Variants in TLN2 observed in about 807,000 individuals in gnomAD.
TLN2 encodes the protein talin-2.
TLN2 carries 118 observed loss-of-function variants against 294.7 expected under a neutral mutation model. The ratio of observed to expected loss-of-function variants is 0.40; its 90% confidence interval spans 0.34 to 0.47. TLN2 has a LOEUF of 0.47. Ranked by LOEUF, TLN2 falls within the 20% of genes least tolerant of loss-of-function variation. The probability of loss-of-function intolerance (pLI) is 0.84; values close to 1 mark genes in which losing one functional copy is unlikely to be tolerated. For synonymous variants in TLN2, 1,431 were observed against 1,304.5 expected, an observed-to-expected ratio of 1.10 and a Z score of -2.09; for missense variants, 3,083 against 3,282.2, an observed-to-expected ratio of 0.94 and a Z score of 1.48.
intron 1 of TLN2, among the ~76,000 whole-genome samples, chr15:62,564,915 A>ATATATATATAT (rs1555430800): frequency 2.4e-5 from 3 of 123,902 alleles, no homozygotes; most frequent in African/African-American, 1.0e-4. Flanking sequence ...CAAAAAAAAA[A>ATATATATATAT]AAAAAAAAAA....
At position 62,698,918 on chromosome 15, in the gene TLN2, C is replaced by A. The variant is rs76916304; in HGVS notation, c.1587+51C>A. ...GCCAAGTCTCTGCCCTGGCAGAAAG[C>A]AGGGTTATATACTCTGTCGGGATTC... On this transcript the variant is annotated intron_variant, in intron 16 of 58. Coordinates refer to ENST00000636159, the MANE Select transcript of TLN2 (RefSeq NM_015059.3). 5.4e-3 allele frequency: 8,195 copies of A among 1,528,300 alleles called. 351 individuals are homozygous for A. The African/African-American group carries it at 0.096, about 18-fold the overall frequency. The allele number at this position is 1,528,300 out of a possible 1,614,324, so 94.7% of individuals were successfully genotyped here. A position where few individuals can be genotyped will look rare whatever the true frequency, so the allele number is the denominator to read the frequency against.
intron 1 of TLN2, among the ~76,000 whole-genome samples, chr15:62,504,199 C>T (rs925617090): frequency 2.6e-5 from 4 of 152,234 alleles, no homozygotes; most frequent in East Asian, 1.9e-4. Flanking sequence ...AAACAGATAC[C>T]GTTTTTATAG....
intron 1 of TLN2, among the ~76,000 whole-genome samples, chr15:62,517,032 C>A (rs1017782897): frequency 3.9e-5 from 6 of 152,192 alleles, no homozygotes; most frequent in Admixed American, 2.0e-4. Flanking sequence ...GGCACCTCCT[C>A]ACTGTTACTA....
intron 1 of TLN2, among the ~76,000 whole-genome samples, chr15:62,399,114 C>T (rs2032797353): frequency 6.6e-6 from 1 of 151,924 alleles, no homozygotes; most frequent in South Asian, 2.1e-4. Context: ...TGGCAGCTTC[C>T]AGTTGATGTT....
At chr15:62,486,166 T>A (rs1366386661) in intron 1 of TLN2, among the ~76,000 whole-genome samples, 1 of 152,368 alleles carries the variant, frequency 6.6e-6, no homozygotes, top group Admixed American at 6.5e-5. Context: ...CTAAATACTT[T>A]AGAAAGTCTT....
At chr15:62,611,281 G>A (rs1445395953) in intron 2 of TLN2, among the ~76,000 whole-genome samples, 2 of 152,188 alleles carry the variant, frequency 1.3e-5, no homozygotes, top group African/African-American at 4.8e-5. Flanking sequence ...TTATGCTACT[G>A]GTTTATGGCA....
chr15:62,831,485 A>AAT (rs2068840737), intron 54 of TLN2: 2 of 151,760 alleles, frequency 1.3e-5, no homozygotes, highest in Admixed American at 1.3e-4. Flanking sequence ...TTATATATTT[A>AAT]ATATATATAA....
chr15:62,800,618 T>C, intron 49 of TLN2, 35 bp from the exon 50 acceptor site: 4 of 1,612,694 alleles, frequency 2.5e-6, no homozygotes, highest in Non-Finnish European at 3.4e-6. Context: ...CCTGAGTCAC[T>C]GCACTATCTG....
chr15:62,481,798 CTT>C (rs60002079), intron 1 of TLN2, among the ~76,000 whole-genome samples: 6 of 115,728 alleles, frequency 5.2e-5, no homozygotes, highest in African/African-American at 1.1e-4. Flanking sequence ...TTCTTTCTTT[CTT>C]TTTTTTTTTT....
At chr15:62,462,303 C>G (rs1381650879) in intron 1 of TLN2, among the ~76,000 whole-genome samples, 1 of 152,102 alleles carries the variant, frequency 6.6e-6, no homozygotes, top group Admixed American at 6.5e-5. Flanking sequence ...GAAGAAGGAG[C>G]ACCAGTGTGG....
chr15:62,423,654 C>T (rs1263885031), intron 1 of TLN2, among the ~76,000 whole-genome samples: 2 of 151,794 alleles, frequency 1.3e-5, no homozygotes, highest in Non-Finnish European at 2.9e-5. Context: ...GATCTCGGCT[C>T]ACTGCAATAT....
At chr15:62,470,318 C>T (rs1220217842) in intron 1 of TLN2, among the ~76,000 whole-genome samples, 1 of 152,226 alleles carries the variant, frequency 6.6e-6, no homozygotes, top group Non-Finnish European at 1.5e-5. Flanking sequence ...GGCTCCTCAG[C>T]CAAGGAGGGG....
intron 3 of TLN2, among the ~76,000 whole-genome samples, chr15:62,642,619 C>T (rs2051255370): frequency 6.6e-6 from 1 of 151,968 alleles, no homozygotes; most frequent in African/African-American, 2.4e-5. Context: ...ACACACTCAT[C>T]TTTAGTCTAC....
At chr15:62,488,118 C>G (rs939915049) in intron 1 of TLN2, among the ~76,000 whole-genome samples, 2 of 152,218 alleles carry the variant, frequency 1.3e-5, no homozygotes, top group East Asian at 3.9e-4. Flanking sequence ...ACCACAAACA[C>G]ATGGTCACAT....
chr15:62,587,112 G>C (rs1452675085), intron 1 of TLN2, among the ~76,000 whole-genome samples: 1 of 152,186 alleles, frequency 6.6e-6, no homozygotes, highest in Non-Finnish European at 1.5e-5. Flanking sequence ...GGGGTGACAT[G>C]ACCCTCGGAA....
At chr15:62,542,748 C>A (rs1382264424) in intron 1 of TLN2, among the ~76,000 whole-genome samples, 2 of 152,076 alleles carry the variant, frequency 1.3e-5, no homozygotes, top group Non-Finnish European at 2.9e-5. Context: ...CTTGGCTCTG[C>A]CTTCCTATGT....
chr15:62,610,272 G>T (rs911911500), intron 2 of TLN2, among the ~76,000 whole-genome samples: 1 of 152,196 alleles, frequency 6.6e-6, no homozygotes, highest in Non-Finnish European at 1.5e-5. Flanking sequence ...ATTCTATAAA[G>T]TATCTTCAAA....
chr15:62,768,852 G>A (rs2063179920), intron 41 of TLN2, among the ~76,000 whole-genome samples: 2 of 152,236 alleles, frequency 1.3e-5, no homozygotes, highest in African/African-American at 2.4e-5. Context: ...GGGCTTTCAT[G>A]TACACTAATC....
chr15:62,736,958 C>T lies in TLN2; in HGVS notation c.3439C>T (p.Pro1147Ser). 6.2e-7 allele frequency: 1 copy of T among 1,614,192 alleles called. No individual in the cohort carries two copies. Among genetic ancestry groups the T allele is most frequent in the Non-Finnish European group, 8.5e-7 (1 of 1,180,040 alleles). Residue 1147 changes from proline (P) to serine (S), a missense_variant, in exon 29 of 59, where the codon CCC becomes TCC. By Grantham distance (74) the Pro-to-Ser change is moderately conservative (BLOSUM62 -1). Transcript: ENST00000636159. The part of the protein sequence containing the change: ...ARGVAASTTD[P>S]AAAHAMLDSA... ...TGGAGTGGCTGCATCGACAACCGAC[C>T]CCGCGGCCGCCCATGCCATGTTAGA...
Sources: allele counts gnomAD v4.1 joint callset (sites outside exome capture counted in the v4.1 genomes callset), GRCh38; gene constraint gnomAD v4.1.1; transcripts MANE v1.5; gene names NCBI Gene and HGNC (gene_info 2026-07-23, HGNC 2026-07-21).